The following DGKB variants were observed in gnomAD, a reference collection of about 807,000 sequenced individuals.
DGKB encodes the protein 90 kDa diacylglycerol kinase.
In DGKB, 67 loss-of-function variants were observed where a neutral mutation model predicts 114.3. That is an observed-to-expected ratio of 0.59 (90% CI 0.48 to 0.72). DGKB has a LOEUF of 0.72. Among genes scored for constraint, DGKB ranks in the 30% least tolerant of loss-of-function variants. The pLI, the probability that DGKB is intolerant of heterozygous loss-of-function variation, is 0.00. For synonymous variants in DGKB, 398 were observed against 323.1 expected, an observed-to-expected ratio of 1.23 and a Z score of -2.49; for missense variants, 907 against 975.2, an observed-to-expected ratio of 0.93 and a Z score of 0.93.
Position 14,871,567 on chromosome 7 carries a change from C to T in DGKB, c.-187-30117G>A, listed in dbSNP as rs367893030. Among the ~76,000 whole-genome samples the T allele has an allele frequency of 5.0e-4, 76 of 152,236 alleles. 2 individuals carry two copies. In the South Asian group the frequency reaches 0.014, roughly 29 times the overall value. On this transcript the variant is annotated intron_variant, in intron 1 of 25. Transcript: ENST00000402815. ...GTTCTCTGGTATGGGGATGCTAATA[C>T]GCCTAGATACTTGGTATGCTATGAT...
chr7:14,192,331 G>GA lies in DGKB; in HGVS notation c.2123-14181dup, dbSNP rs559516448. 1.1e-3 allele frequency among the ~76,000 whole-genome samples: 166 copies of GA among 152,120 alleles called. 1 individual carries two copies. In the Middle Eastern group the frequency reaches 0.027, roughly 25 times the overall value. On this transcript the variant is annotated intron_variant, in intron 23 of 25. Transcript: ENST00000402815. The stretch of plus-strand genomic sequence containing the variant: ...TCCATAGGATAATAGTGAACTCGCT[G>GA]AAAAAGAATTTTTAAAACTTTCTTT...
chr7:14,588,197 T>A (rs1053061682), intron 17 of DGKB, among the ~76,000 whole-genome samples: 1 of 152,172 alleles, frequency 6.6e-6, no homozygotes, highest in Non-Finnish European at 1.5e-5. Flanking sequence ...TGGTTTCCAT[T>A]ATCTATTCCT....
chr7:14,504,421 G>C (rs1029672004), intron 20 of DGKB, among the ~76,000 whole-genome samples: 1 of 152,072 alleles, frequency 6.6e-6, no homozygotes, highest in Non-Finnish European at 1.5e-5. Context: ...CTTCTTATCC[G>C]GACTCATTAA....
At chr7:14,848,233 T>C (rs1372407135) in intron 1 of DGKB, among the ~76,000 whole-genome samples, 1 of 152,162 alleles carries the variant, frequency 6.6e-6, no homozygotes, top group African/African-American at 2.4e-5. Flanking sequence ...ACTCAAGACA[T>C]ATTTTTGAAG....
At chr7:14,487,771 T>C (rs1057401131) in intron 20 of DGKB, among the ~76,000 whole-genome samples, 2 of 134,464 alleles carry the variant, frequency 1.5e-5, no homozygotes, top group Admixed American at 1.5e-4. Context: ...CCTGACTAAC[T>C]TTTTTTTTTT....
chr7:14,552,732 C>T (rs1254904604), intron 20 of DGKB, among the ~76,000 whole-genome samples: 1 of 152,200 alleles, frequency 6.6e-6, no homozygotes, highest in Non-Finnish European at 1.5e-5. Flanking sequence ...TTTCCTTTCT[C>T]TCCACTAGGA....
chr7:14,678,472 T>C (rs1820266327), intron 12 of DGKB, among the ~76,000 whole-genome samples: 1 of 151,974 alleles, frequency 6.6e-6, no homozygotes. Context: ...ATAGTAGGCA[T>C]GAGGGAAACA....
At chr7:14,625,569 A>C in intron 14 of DGKB, among the ~76,000 whole-genome samples, 1 of 152,142 alleles carries the variant, frequency 6.6e-6, no homozygotes, top group East Asian at 1.9e-4. Flanking sequence ...ATTCAGGATA[A>C]AATTGCTCTC....
intron 21 of DGKB, among the ~76,000 whole-genome samples, chr7:14,373,913 C>T (rs1818078400): frequency 6.6e-6 from 1 of 152,110 alleles, no homozygotes; most frequent in Admixed American, 6.5e-5. Context: ...AGTCCGCTGA[C>T]ATAGTCAAGT....
At chr7:14,431,246 TCAGCCATTCTG>T (rs1828407441) in intron 21 of DGKB, among the ~76,000 whole-genome samples, 1 of 152,154 alleles carries the variant, frequency 6.6e-6, no homozygotes, top group African/African-American at 2.4e-5. Flanking sequence ...CGCTGAACCA[TCAGCCATTCTG>T]CAGTGTAACT....
At chr7:14,776,606 G>A (rs1261999478) in intron 2 of DGKB, among the ~76,000 whole-genome samples, 1 of 152,366 alleles carries the variant, frequency 6.6e-6, no homozygotes, top group Non-Finnish European at 1.5e-5. Context: ...TCCATGTGGT[G>A]TTGGTCCTGT....
intron 25 of DGKB, among the ~76,000 whole-genome samples, chr7:14,169,133 G>C (rs959837047): frequency 6.6e-6 from 1 of 151,810 alleles, no homozygotes; most frequent in South Asian, 2.1e-4. Flanking sequence ...GCCGAGGCTT[G>C]TGGATCACAA....
At chr7:14,358,689 A>T (rs1815083688) in intron 21 of DGKB, among the ~76,000 whole-genome samples, 3 of 152,076 alleles carry the variant, frequency 2.0e-5, no homozygotes, top group Non-Finnish European at 1.5e-5. Context: ...TCATGAGTGA[A>T]CTCCCATTAA....
chr7:14,251,658 T>G (rs898190124), intron 23 of DGKB, among the ~76,000 whole-genome samples: 24 of 152,298 alleles, frequency 1.6e-4, no homozygotes, highest in African/African-American at 5.3e-4. Flanking sequence ...ACTTAAGAAC[T>G]CTAGCTTTTC....
At chr7:14,945,238 T>C (rs1760183848) in intron 1 of DGKB, among the ~76,000 whole-genome samples, 2 of 151,834 alleles carry the variant, frequency 1.3e-5, no homozygotes, top group Admixed American at 1.3e-4. Context: ...AATAATAATG[T>C]ATATATTATA....
intron 21 of DGKB, among the ~76,000 whole-genome samples, chr7:14,452,757 T>G (rs1438086398): frequency 3.9e-5 from 6 of 152,126 alleles, no homozygotes; most frequent in Non-Finnish European, 8.8e-5. Context: ...AAATACCTTC[T>G]GAGAAATGCA....
chr7:14,816,147 A>G (rs1013385499), intron 2 of DGKB, among the ~76,000 whole-genome samples: 1 of 152,110 alleles, frequency 6.6e-6, no homozygotes, highest in African/African-American at 2.4e-5. Context: ...CCTGGCTAAC[A>G]TGGTGAAATC....
chr7:14,774,410 A>G (rs994291972), intron 2 of DGKB, among the ~76,000 whole-genome samples: 4 of 152,210 alleles, frequency 2.6e-5, no homozygotes, highest in African/African-American at 9.6e-5. Context: ...AAGTTACGGA[A>G]AAGCCAAATA....
chr7:14,604,743 G>A lies in DGKB; in HGVS notation c.1433+2691C>T, dbSNP rs554457864. 2.0e-5 allele frequency among the ~76,000 whole-genome samples: 3 copies of A among 152,038 alleles called. No individual in the cohort carries two copies. The South Asian group carries it at 6.2e-4, about 31-fold the overall frequency. ...GCAATACAGCTAGAAAACAGGGCTG[G>A]GAGGATTCACAAGTGAGCAGATCAG... On this transcript the variant is annotated intron_variant, in intron 17 of 25. Transcript: ENST00000402815.
Sources: allele counts gnomAD v4.1 joint callset (sites outside exome capture counted in the v4.1 genomes callset), GRCh38; gene constraint gnomAD v4.1.1; transcripts MANE v1.5; gene names NCBI Gene and HGNC (gene_info 2026-07-23, HGNC 2026-07-21).